SPATA13: variants seen among roughly 807,000 people sequenced by gnomAD.
The protein encoded by SPATA13 is spermatogenesis associated 13, also known as spermatogenesis-associated protein 13.
Under a neutral mutation model 104.0 loss-of-function variants are expected in SPATA13, and 50 were observed. The ratio of observed to expected loss-of-function variants is 0.48; its 90% confidence interval spans 0.38 to 0.61. SPATA13 has a LOEUF of 0.61. SPATA13 is among the 20% of genes least tolerant of loss of function. The probability of loss-of-function intolerance (pLI) is 0.00; values close to 1 mark genes in which losing one functional copy is unlikely to be tolerated. For missense variants in SPATA13, 1,524 were observed against 1,690.6 expected, an observed-to-expected ratio of 0.90 and a Z score of 1.73; for synonymous variants, 606 against 667.5, an observed-to-expected ratio of 0.91 and a Z score of 1.42.
intron 2 of SPATA13, among the ~76,000 whole-genome samples, chr13:23,993,295 C>T (rs1368064027): frequency 6.6e-6 from 1 of 152,368 alleles, no homozygotes; most frequent in African/African-American, 2.4e-5. Flanking sequence ...CAGTGGCTTT[C>T]AACTGTTTCT....
chr13:24,232,427 C>A (rs972672787), intron 2 of SPATA13, among the ~76,000 whole-genome samples: 5 of 152,332 alleles, frequency 3.3e-5, no homozygotes, highest in Admixed American at 2.6e-4. Flanking sequence ...ACAAACGCAC[C>A]CAGAAATAAT....
rs925673828 is a variant in SPATA13 at position 24,177,723 on chromosome 13, G to T, written c.-112+16791G>T. Among the ~76,000 whole-genome samples the T allele has an allele frequency of 7.3e-5, 11 of 151,194 alleles. No homozygotes were observed. The East Asian group carries it at 1.6e-3, about 22-fold the overall frequency. ...CACCTTGGCCTCCCAAAGTGTTGGGGTTACAGGCATGAGCCTGGCCATTGG... is the reference window on the plus strand; with the variant it reads ...CACCTTGGCCTCCCAAAGTGTTGGGTTTACAGGCATGAGCCTGGCCATTGG... On this transcript the variant is annotated intron_variant, in intron 1 of 12. Coordinates refer to ENST00000382108, the MANE Select transcript of SPATA13 (RefSeq NM_001166271.3).
intron 1 of SPATA13, among the ~76,000 whole-genome samples, chr13:24,163,842 A>G (rs1488386991): frequency 1.3e-5 from 2 of 152,214 alleles, no homozygotes; most frequent in African/African-American, 4.8e-5. Flanking sequence ...TGGAAGCAAC[A>G]AAGTTTCTTT....
intron 4 of SPATA13, among the ~76,000 whole-genome samples, chr13:24,256,020 A>G (rs1469238058): frequency 2.0e-5 from 3 of 152,262 alleles, no homozygotes; most frequent in Non-Finnish European, 2.9e-5. Flanking sequence ...TGCATAAAAT[A>G]TGATATGTGA....
intron 3 of SPATA13, among the ~76,000 whole-genome samples, chr13:24,133,121 C>T (rs1881441513): frequency 6.6e-6 from 1 of 152,158 alleles, no homozygotes; most frequent in African/African-American, 2.4e-5. Flanking sequence ...GTGGGTCCAG[C>T]AGCAGATGTA....
chr13:24,208,221 A>G (rs1298433442), intron 1 of SPATA13, among the ~76,000 whole-genome samples: 1 of 152,206 alleles, frequency 6.6e-6, no homozygotes, highest in Admixed American at 6.5e-5. Context: ...GCCTCCCAGA[A>G]TAGTGACGGA....
At chr13:24,082,383 C>A (rs949809562) in intron 3 of SPATA13, among the ~76,000 whole-genome samples, 2 of 152,174 alleles carry the variant, frequency 1.3e-5, no homozygotes, top group African/African-American at 4.8e-5. Flanking sequence ...GCATAACTAG[C>A]TGTGATGTCT....
At chr13:24,103,867 C>A (rs1473806474) in intron 3 of SPATA13, among the ~76,000 whole-genome samples, 3 of 152,066 alleles carry the variant, frequency 2.0e-5, no homozygotes, top group Non-Finnish European at 2.9e-5. Context: ...CCAGAGCTGC[C>A]GTGCCACTAT....
intron 1 of SPATA13, among the ~76,000 whole-genome samples, chr13:24,200,086 A>T (rs1417206527): frequency 6.6e-6 from 1 of 152,194 alleles, no homozygotes; most frequent in Non-Finnish European, 1.5e-5. Context: ...GAGAGCTATT[A>T]TTCTCTTTGC....
chr13:24,153,163 C>T (rs569472478), intron 3 of SPATA13, among the ~76,000 whole-genome samples: 102 of 152,322 alleles, frequency 6.7e-4, no homozygotes, highest in African/African-American at 2.4e-3. Flanking sequence ...ATAAACATTA[C>T]GTCCACATAC....
intron 3 of SPATA13, among the ~76,000 whole-genome samples, chr13:24,124,814 A>G (rs909711166): frequency 4.6e-5 from 7 of 152,178 alleles, no homozygotes; most frequent in Non-Finnish European, 7.3e-5. Flanking sequence ...TACATTCCAC[A>G]TAGACTAGTC....
upstream of SPATA13, among the ~76,000 whole-genome samples, chr13:24,157,721 T>G (rs75618126): frequency 6.8e-3 from 1,029 of 152,244 alleles, 7 homozygotes; most frequent in African/African-American, 0.023. Flanking sequence ...CTGTACCTCT[T>G]GAGAAACCCC....
chr13:24,134,286 G>A (rs1881483623), intron 3 of SPATA13, among the ~76,000 whole-genome samples: 1 of 152,178 alleles, frequency 6.6e-6, no homozygotes, highest in African/African-American at 2.4e-5. Flanking sequence ...GCTTTTCCAA[G>A]TACCCTAAAA....
chr13:24,030,500 C>T (rs1877431080), intron 3 of SPATA13, among the ~76,000 whole-genome samples: 1 of 152,166 alleles, frequency 6.6e-6, no homozygotes, highest in South Asian at 2.1e-4. Flanking sequence ...GTGGTGCTCT[C>T]TGGTTCTTCT....
chr13:24,235,462 T>A (rs1170204714), intron 2 of SPATA13, among the ~76,000 whole-genome samples: 1 of 152,120 alleles, frequency 6.6e-6, no homozygotes, highest in African/African-American at 2.4e-5. Context: ...AGAAATGGTG[T>A]GATAAAGAAT....
rs574638720 is a variant in SPATA13, at chr13:24,306,081, C to T, written c.*3308C>T. The T allele has an allele frequency of 1.3e-4, 20 of 152,300 alleles. No homozygotes were observed. The highest frequency in any genetic ancestry group is 8.3e-4 in the South Asian group (4 of 4,832). 9.4% of individuals were successfully genotyped at this position (152,300 alleles called of 1,614,324 possible). On this transcript the variant is annotated 3_prime_UTR_variant, in exon 13 of 13. Transcript: ENST00000382108. ...TTGAAAACATTTCACCACCATCAAACACTATTTCTGAATATTGTGCCTTTT... is the reference window on the plus strand; with the variant it reads ...TTGAAAACATTTCACCACCATCAAATACTATTTCTGAATATTGTGCCTTTT...
chr13:24,299,149 T>C (rs1877000314), intron 11 of SPATA13, among the ~76,000 whole-genome samples: 1 of 152,226 alleles, frequency 6.6e-6, no homozygotes, highest in African/African-American at 2.4e-5. Context: ...CATATGACGT[T>C]GTCTAGCGCA....
At position 24,205,690 on chromosome 13, in the gene SPATA13, AG is replaced by A. The variant is rs1870663432; in HGVS notation, c.-111-17126del. On this transcript the variant is annotated intron_variant, in intron 1 of 12. Coordinates refer to ENST00000382108, the MANE Select transcript of SPATA13 (RefSeq NM_001166271.3). The surrounding 1 kb of genome is among the most constrained non-coding windows in gnomAD (Gnocchi z 4.1). ...TTTACCCAACTTCAAACTATACTAC[AG>A]GGTGACAGTAACCAAAATCACATGG... Among the ~76,000 whole-genome samples, 2 of 152,226 alleles carry A rather than the reference AG, an allele frequency of 1.3e-5. No homozygotes were observed. The highest frequency in any genetic ancestry group is 1.3e-4 in the Admixed American group (2 of 15,288).
At chr13:23,996,377 C>A (rs1351794115) in intron 2 of SPATA13, among the ~76,000 whole-genome samples, 1 of 148,674 alleles carries the variant, frequency 6.7e-6, no homozygotes, top group African/African-American at 2.5e-5. Context: ...GAAAGGCTTT[C>A]AGCAAATTAA....
Sources: allele counts gnomAD v4.1 joint callset (sites outside exome capture counted in the v4.1 genomes callset), GRCh38; gene constraint gnomAD v4.1.1; non-coding constraint Gnocchi (gnomAD v3.1); transcripts MANE v1.5; gene names NCBI Gene and HGNC (gene_info 2026-07-23, HGNC 2026-07-21).